Variants in RLN2 observed in about 807,000 individuals in gnomAD.
The protein encoded by RLN2 is relaxin 2.
In RLN2, 10 loss-of-function variants were observed where a neutral mutation model predicts 7.3. That is an observed-to-expected ratio of 1.36 (90% CI 0.84 to 2.31). The LOEUF (loss-of-function observed/expected upper bound fraction) is 2.31. Ranked by LOEUF, RLN2 falls within the 30% of genes most tolerant of loss-of-function variation. RLN2 has a pLI of 0.00. For missense variants in RLN2, 298 were observed against 217.6 expected (o/e 1.37, Z -2.32); for synonymous variants, 103 against 82.3 (o/e 1.25, Z -1.36).
chr9:5,335,647 A>G, the RLN2 span: 1 of 1,143,182 alleles, frequency 8.7e-7, no homozygotes. Context: ...CACGTCAAAG[A>G]GCATTCAGAA....
chr9:5,327,449 T>G, the RLN2 span, among the ~76,000 whole-genome samples: 5 of 152,012 alleles, frequency 3.3e-5, no homozygotes, highest in African/African-American at 1.2e-4. Context: ...CCCACCAGCC[T>G]TTGTAGACTC....
upstream of RLN2, among the ~76,000 whole-genome samples, chr9:5,306,827 A>G (rs996224487): frequency 6.6e-6 from 1 of 152,008 alleles, no homozygotes; most frequent in African/African-American, 2.4e-5. Flanking sequence ...TGAATGTAGG[A>G]CAGCAGGAAC....
the RLN2 span, among the ~76,000 whole-genome samples, chr9:5,329,980 T>C: frequency 6.6e-6 from 1 of 152,042 alleles, no homozygotes; most frequent in East Asian, 1.9e-4. Context: ...CCTCATCGCA[T>C]TTATTATAAA....
the RLN2 span, among the ~76,000 whole-genome samples, chr9:5,323,955 G>A: frequency 6.6e-6 from 1 of 152,044 alleles, no homozygotes; most frequent in Non-Finnish European, 1.5e-5. Flanking sequence ...GGCTGAGGAA[G>A]GAGAATCACT....
At chr9:5,304,038 G>A in intron 1 of RLN2, 1 of 206,310 alleles carries the variant, frequency 4.8e-6, no homozygotes. Context: ...TCTCCGGGCG[G>A]CGTCACCTCC....
the RLN2 span, among the ~76,000 whole-genome samples, chr9:5,316,951 G>A: frequency 1.1e-4 from 17 of 152,000 alleles, 1 homozygote; most frequent in African/African-American, 4.1e-4. Context: ...TATAAATGAG[G>A]AAGTTTAAAG....
chr9:5,321,363 T>C, the RLN2 span, among the ~76,000 whole-genome samples: 1 of 152,022 alleles, frequency 6.6e-6, no homozygotes, highest in African/African-American at 2.4e-5. Context: ...ATTCACGTTT[T>C]TATTCAAATA....
At chr9:5,307,329 G>A (rs12685986), upstream of RLN2, among the ~76,000 whole-genome samples, 2 of 150,858 alleles carry the variant, frequency 1.3e-5, no homozygotes, top group South Asian at 2.1e-4. Flanking sequence ...GATAGTGTGT[G>A]TATATATATA....
intron 1 of RLN2, among the ~76,000 whole-genome samples, chr9:5,302,021 C>A (rs1816157489): frequency 6.6e-6 from 1 of 152,146 alleles, no homozygotes; most frequent in Non-Finnish European, 1.5e-5. Context: ...TTGATCCAAC[C>A]TAAACTTTCT....
At chr9:5,307,187 T>C (rs1816266461), upstream of RLN2, among the ~76,000 whole-genome samples, 1 of 151,748 alleles carries the variant, frequency 6.6e-6, no homozygotes, top group Non-Finnish European at 1.5e-5. Context: ...TAAGTAACTT[T>C]TTAAGGTTTT....
chr9:5,301,553 A>C (rs917758150), intron 1 of RLN2, among the ~76,000 whole-genome samples: 23 of 152,340 alleles, frequency 1.5e-4, no homozygotes, highest in South Asian at 2.1e-4. Flanking sequence ...GTGAAAACCC[A>C]TATCAGGTCT....
At chr9:5,304,749 A>G, upstream of RLN2, 1 of 665,472 alleles carries the variant, frequency 1.5e-6, no homozygotes, top group Non-Finnish European at 2.6e-6. Flanking sequence ...CTTTTAAGGC[A>G]AGGGTGCCAG....
At chr9:5,317,526 C>A in the RLN2 span, among the ~76,000 whole-genome samples, 4 of 149,910 alleles carry the variant, frequency 2.7e-5, no homozygotes, top group Non-Finnish European at 3.0e-5. Flanking sequence ...AGATATTACA[C>A]CCTATTTCAA....
upstream of RLN2, among the ~76,000 whole-genome samples, chr9:5,309,422 TC>T (rs1460832109): frequency 2.0e-5 from 3 of 152,000 alleles, no homozygotes; most frequent in Non-Finnish European, 4.4e-5. Flanking sequence ...GATCCCCTCT[TC>T]CTGTCTTCTC....
At chr9:5,335,521 C>T in the RLN2 span, 55 of 1,612,850 alleles carry the variant, frequency 3.4e-5, no homozygotes, top group East Asian at 1.3e-4. Flanking sequence ...CCTTCAGCTC[C>T]GGTGGCAAAT....
At chr9:5,331,840 A>C in the RLN2 span, among the ~76,000 whole-genome samples, 1 of 152,040 alleles carries the variant, frequency 6.6e-6, no homozygotes, top group South Asian at 2.1e-4. Context: ...AAAATAAATA[A>C]ATAAACTGGT....
the RLN2 span, among the ~76,000 whole-genome samples, chr9:5,333,040 T>C: frequency 6.6e-6 from 1 of 152,056 alleles, no homozygotes; most frequent in Non-Finnish European, 1.5e-5. Context: ...AACCAGAAGC[T>C]TAAAATTTAA....
At chr9:5,314,150 G>A in the RLN2 span, among the ~76,000 whole-genome samples, 1 of 152,026 alleles carries the variant, frequency 6.6e-6, no homozygotes, top group Admixed American at 6.5e-5. Flanking sequence ...TCACCACTGT[G>A]ACCCACGTGG....
chr9:5,306,108 TG>T (rs1386660741), upstream of RLN2, among the ~76,000 whole-genome samples: 1,317 of 136,174 alleles, frequency 9.7e-3, 31 homozygotes, highest in African/African-American at 0.031. Context: ...TTTTGTTTTT[TG>T]TTTTTTTTTT....
Sources: gnomAD v4.1 joint callset for allele counts (sites outside exome capture counted in the v4.1 genomes callset) on GRCh38, gnomAD v4.1.1 for gene constraint, MANE v1.5 for transcripts, NCBI Gene and HGNC (gene_info 2026-07-23, HGNC 2026-07-21) for gene names.